The following FGF5 variants were observed in gnomAD, a reference collection of about 807,000 sequenced individuals.
The protein encoded by FGF5 is heparin-binding growth factor 5.
In FGF5, 23 loss-of-function variants were observed where a neutral mutation model predicts 21.8. That is an observed-to-expected ratio of 1.05 (90% CI 0.76 to 1.49). FGF5 has a LOEUF of 1.49. Ranked by LOEUF, FGF5 falls within the 40% of genes most tolerant of loss-of-function variation. FGF5 has a pLI of 0.00. For synonymous variants in FGF5, 158 were observed against 124.0 expected (o/e 1.27, Z -1.82); for missense variants, 352 against 332.9 (o/e 1.06, Z -0.45).
rs1274145667 is a variant in FGF5 at position 80,287,342 on chromosome 4, A to G, written c.*670A>G. On this transcript the variant is annotated 3_prime_UTR_variant, in exon 3 of 3. Coordinates refer to ENST00000312465, the MANE Select transcript of FGF5 (RefSeq NM_004464.4). ...GTTTAAATTCTCTTTCACAGCACCA[A>G]AGGCTCAGCTTGGATTTGTGTGTAT... is the stretch of plus-strand genomic sequence containing the variant. 1 of 152,132 alleles carries G rather than the reference A, an allele frequency of 6.6e-6. No individual in the cohort carries two copies. The highest frequency in any genetic ancestry group is 1.5e-5 in the Non-Finnish European group (1 of 68,020). 9.4% of individuals were successfully genotyped at this position (152,132 alleles called of 1,614,324 possible). A position where few individuals can be genotyped will look rare whatever the true frequency, so the allele number is the denominator to read the frequency against.
chr4:80,279,866 T>C (rs1720507722), intron 2 of FGF5, among the ~76,000 whole-genome samples: 1 of 152,204 alleles, frequency 6.6e-6, no homozygotes, highest in African/African-American at 2.4e-5. Context: ...GGAAAGCTAA[T>C]TGCAGACTTT....
chr4:80,271,108 G>A (rs1026585224), intron 1 of FGF5, among the ~76,000 whole-genome samples: 1 of 152,166 alleles, frequency 6.6e-6, no homozygotes, highest in African/African-American at 2.4e-5. Context: ...CAGATGCGTT[G>A]TTGAAAGCTT....
At position 80,289,465 on chromosome 4, in the gene FGF5, C is replaced by A. The variant is rs1276540802; in HGVS notation, c.*2793C>A. The A allele has an allele frequency of 1.3e-5, 2 of 152,056 alleles. No individual in the cohort carries two copies. The highest frequency in any genetic ancestry group is 2.4e-5 in the African/African-American group (1 of 41,404). The allele number at this position is 152,056 out of a possible 1,614,324, so 9.4% of individuals were successfully genotyped here. A position where few individuals can be genotyped will look rare whatever the true frequency, so the allele number is the denominator to read the frequency against. On this transcript the variant is annotated 3_prime_UTR_variant, in exon 3 of 3. Coordinates refer to ENST00000312465, the MANE Select transcript of FGF5 (RefSeq NM_004464.4). ...TTAAGTAACTAGAACCACCAAATATCAAATAAAATTATTTGGTTATGGTTA... is the reference window on the plus strand; with the variant it reads ...TTAAGTAACTAGAACCACCAAATATAAAATAAAATTATTTGGTTATGGTTA...
chr4:80,286,239 G>T (rs1560502491), intron 2 of FGF5, 86 bp from the exon 3 acceptor site: 2 of 877,368 alleles, frequency 2.3e-6, no homozygotes, highest in African/African-American at 1.7e-5. Context: ...CAAAATTATT[G>T]TTTTTTTTTC....
intron 2 of FGF5, among the ~76,000 whole-genome samples, chr4:80,279,726 T>A (rs1400493893): frequency 6.6e-6 from 1 of 152,234 alleles, no homozygotes; most frequent in African/African-American, 2.4e-5. Context: ...TTCTTCAGTC[T>A]TTTCATAAAG....
chr4:80,278,193 G>T (rs1379704), intron 2 of FGF5, among the ~76,000 whole-genome samples: 1 of 151,932 alleles, frequency 6.6e-6, no homozygotes, highest in African/African-American at 2.4e-5. Flanking sequence ...TAATATGTGC[G>T]TGAAAATATT....
chr4:80,266,846 C>A lies in FGF5; in HGVS notation c.22C>A (p.Leu8Ile). The change falls in exon 1 of 3, where the codon CTC (leucine) becomes ATC (isoleucine). Residue 8 changes from leucine (L) to isoleucine (I), a missense_variant. Coordinates refer to ENST00000312465, the MANE Select transcript of FGF5 (RefSeq NM_004464.4). Reference sequence around the variant, plus strand: ...AAGAATGAGCTTGTCCTTCCTCCTCCTCCTCTTCTTCAGCCACCTGATCCT... The same window carrying A: ...AAGAATGAGCTTGTCCTTCCTCCTCATCCTCTTCTTCAGCCACCTGATCCT... The part of the protein sequence containing the change: MSLSFLL[L>I]LFFSHLILSA... 2 of 1,601,204 alleles carry A rather than the reference C, an allele frequency of 1.2e-6. No individual in the cohort carries two copies. The highest frequency in any genetic ancestry group is 1.1e-5 in the South Asian group (1 of 88,940).
At chr4:80,275,985 C>G (rs1018871608) in intron 2 of FGF5, among the ~76,000 whole-genome samples, 1 of 151,910 alleles carries the variant, frequency 6.6e-6, no homozygotes, top group Non-Finnish European at 1.5e-5. Context: ...TTGAAACTTA[C>G]TATATATAAT....
At chr4:80,278,486 T>C (rs946220374) in intron 2 of FGF5, among the ~76,000 whole-genome samples, 1 of 152,074 alleles carries the variant, frequency 6.6e-6, no homozygotes, top group Non-Finnish European at 1.5e-5. Context: ...CAATGATGAG[T>C]TGCATAGGGA....
rs1028133854 is a variant in FGF5 at position 80,288,115 on chromosome 4, A to G, written c.*1443A>G. 3 of 152,224 alleles carry G rather than the reference A, an allele frequency of 2.0e-5. No individual in the cohort carries two copies. Among genetic ancestry groups the G allele is most frequent in the Non-Finnish European group, 4.4e-5 (3 of 68,024 alleles). 9.4% of individuals were successfully genotyped at this position (152,224 alleles called of 1,614,324 possible). On this transcript the variant is annotated 3_prime_UTR_variant, in exon 3 of 3. Coordinates refer to ENST00000312465, the MANE Select transcript of FGF5 (RefSeq NM_004464.4). The stretch of plus-strand genomic sequence containing the variant: ...AAAAAGGCATAGCTAAAGGCTAAAC[A>G]TATGGCTTTAGTAGTAACAAAAGGG...
In FGF5 at chr4:80,288,028, AG is replaced by A. The variant is rs1288342500; in HGVS notation, c.*1358del. 7 of 152,286 alleles carry A rather than the reference AG, an allele frequency of 4.6e-5. No homozygotes were observed. In the East Asian group the frequency reaches 9.6e-4, roughly 21 times the overall value. 9.4% of individuals were successfully genotyped at this position (152,286 alleles called of 1,614,324 possible). ...AAGAAAATTTACAAAATTTATTCTC[AG>A]GTAATCATTTTAATAAAGTTCTGCA... On this transcript the variant is annotated 3_prime_UTR_variant, in exon 3 of 3. Coordinates refer to ENST00000312465, the MANE Select transcript of FGF5 (RefSeq NM_004464.4).
rs1369394740 is a variant in FGF5 at position 80,271,642 on chromosome 4, CA to C, written c.356-3264del. On this transcript the variant is annotated intron_variant, in intron 1 of 2. Coordinates refer to ENST00000312465, the MANE Select transcript of FGF5 (RefSeq NM_004464.4). ...GAGAAAAGAGAGGTAGTGAGAGGAT[CA>C]AAGAAGGCAGTCAAATTTAGCAAAC... Among the ~76,000 whole-genome samples, 3 of 152,126 alleles carry C rather than the reference CA, an allele frequency of 2.0e-5. No homozygotes were observed. The South Asian group carries it at 6.2e-4, about 31-fold the overall frequency.
intron 1 of FGF5, among the ~76,000 whole-genome samples, chr4:80,274,625 A>G (rs1011415545): frequency 3.3e-5 from 5 of 152,080 alleles, no homozygotes; most frequent in African/African-American, 1.2e-4. Context: ...AACCTGAGAA[A>G]ACTTCATGCT....
intron 2 of FGF5, among the ~76,000 whole-genome samples, chr4:80,275,337 C>A (rs1437327365): frequency 6.6e-6 from 1 of 151,794 alleles, no homozygotes; most frequent in African/African-American, 2.4e-5. Flanking sequence ...TATTTCATCA[C>A]ATTTTAAACT....
chr4:80,284,038 C>T (rs36054566), intron 2 of FGF5, among the ~76,000 whole-genome samples: 30 of 152,274 alleles, frequency 2.0e-4, no homozygotes, highest in Non-Finnish European at 3.4e-4. Context: ...GTGTGGTCTT[C>T]GAAAGTGATG....
At chr4:80,279,740 G>A (rs576223386) in intron 2 of FGF5, among the ~76,000 whole-genome samples, 32 of 152,266 alleles carry the variant, frequency 2.1e-4, no homozygotes, top group Middle Eastern at 3.4e-3. Flanking sequence ...CATAAAGTAT[G>A]CAGAAAGCTC....
intron 1 of FGF5, among the ~76,000 whole-genome samples, chr4:80,271,197 G>C (rs1720261048): frequency 6.6e-6 from 1 of 152,142 alleles, no homozygotes; most frequent in Non-Finnish European, 1.5e-5. Context: ...GTGTATAGTT[G>C]TATCAACCAC....
chr4:80,286,572 A>G lies in FGF5; in HGVS notation c.707A>G (p.Lys236Arg). The G allele has an allele frequency of 3.1e-6, 5 of 1,614,082 alleles. No individual in the cohort carries two copies. The highest frequency in any genetic ancestry group is 4.2e-6 in the Non-Finnish European group (5 of 1,179,988). The change falls in exon 3 of 3, where the codon AAG becomes AGG. Residue 236 changes from lysine (K) to arginine (R), a missense_variant. Coordinates refer to ENST00000312465, the MANE Select transcript of FGF5 (RefSeq NM_004464.4). ...TCTTTCACGGTTACTGTTCCTGAAA[A>G]GAAAAAGCCACCTAGCCCTATCAAG... ...ELSFTVTVPE[K>R]KKPPSPIKPK... is the part of the protein sequence containing the mutation.
chr4:80,274,915 T>C lies in FGF5; in HGVS notation c.362T>C (p.Leu121Ser). ...GSHEANMLSV[L>S]EIFAVSQGIV... ...GGGATTTCTGTCATCCTAGGTGTTT[T>C]GGAAATATTTGCTGTGTCTCAGGGG... is the stretch of plus-strand genomic sequence containing the variant. The change falls in exon 2 of 3, where the codon TTG (leucine) becomes TCG (serine). Residue 121 changes from leucine (L) to serine (S), a missense_variant. By Grantham distance (145) the Leu-to-Ser change is moderately radical (BLOSUM62 -2). Transcript: ENST00000312465. 1 of 1,520,760 alleles carries C rather than the reference T, an allele frequency of 6.6e-7. No individual in the cohort carries two copies. Among genetic ancestry groups the C allele is most frequent in the Non-Finnish European group, 9.1e-7 (1 of 1,101,232 alleles). 94.2% of individuals were successfully genotyped at this position (1,520,760 alleles called of 1,614,324 possible).
Sources: gnomAD v4.1 joint callset for allele counts (sites outside exome capture counted in the v4.1 genomes callset) on GRCh38, gnomAD v4.1.1 for gene constraint, MANE v1.5 for transcripts, NCBI Gene and HGNC (gene_info 2026-07-23, HGNC 2026-07-21) for gene names.